Variants in PRIM2 observed in about 807,000 individuals in gnomAD.
PRIM2 encodes the protein DNA primase large subunit.
A neutral mutation model predicts 67.3 loss-of-function variants in PRIM2; 39 were observed. The ratio of observed to expected loss-of-function variants is 0.58; its 90% CI spans 0.45 to 0.76. The LOEUF (loss-of-function observed/expected upper bound fraction) is 0.76. Ranked by LOEUF, PRIM2 falls within the 30% of genes least tolerant of loss-of-function variation. The probability of loss-of-function intolerance (pLI) is 0.00; values close to 1 mark genes in which losing one functional copy is unlikely to be tolerated. For missense variants in PRIM2, 398 were observed against 598.7 expected (o/e 0.66, Z 3.50); for synonymous variants, 143 against 198.7 (o/e 0.72, Z 2.36).
chr6:57,288,293 G>A, the PRIM2 span, among the ~76,000 whole-genome samples: 1 of 152,212 alleles, frequency 6.6e-6, no homozygotes, highest in African/African-American at 2.4e-5. Flanking sequence ...AGCCTGGGAA[G>A]CTTGAACTGG....
At chr6:57,407,549 C>T (rs1770934341) in intron 7 of PRIM2, among the ~76,000 whole-genome samples, 1 of 152,030 alleles carries the variant, frequency 6.6e-6, no homozygotes, top group Admixed American at 6.6e-5. Context: ...GAGCAGCCTC[C>T]ACTGTTATTT....
Position 57,334,585 on chromosome 6 carries a change from G to A in PRIM2, c.459+8540G>A, listed in dbSNP as rs989399802. On this transcript the variant is annotated intron_variant, in intron 5 of 13. Transcript: ENST00000615550. Reference sequence around the variant, plus strand: ...AGGCTGAGGTGGGATGATTACTTGAGCCCAGGTGTTGGAGGCTACAGTGGA... The same window carrying A: ...AGGCTGAGGTGGGATGATTACTTGAACCCAGGTGTTGGAGGCTACAGTGGA... Among the ~76,000 whole-genome samples the A allele has an allele frequency of 7.2e-5, 11 of 152,070 alleles. No individual in the cohort carries two copies. In the South Asian group the frequency reaches 2.3e-3, roughly 32 times the overall value.
chr6:57,421,603 C>A (rs1284521134), intron 7 of PRIM2, among the ~76,000 whole-genome samples: 3 of 152,140 alleles, frequency 2.0e-5, no homozygotes, highest in Non-Finnish European at 2.9e-5. Flanking sequence ...TTACAATGAT[C>A]ATTGTTAACA....
chr6:57,608,911 G>A (rs1225088210), intron 12 of PRIM2, among the ~76,000 whole-genome samples: 1 of 152,122 alleles, frequency 6.6e-6, no homozygotes, highest in African/African-American at 2.4e-5. Context: ...GCAGAATTAA[G>A]TTCTCTTTCC....
chr6:57,439,855 T>C (rs1772145277), intron 7 of PRIM2, among the ~76,000 whole-genome samples: 1 of 152,252 alleles, frequency 6.6e-6, no homozygotes, highest in South Asian at 2.1e-4. Context: ...TTGAAGCATT[T>C]TAATAAGGCT....
chr6:57,459,539 CTA>C (rs1772926775), intron 7 of PRIM2, among the ~76,000 whole-genome samples: 1 of 152,120 alleles, frequency 6.6e-6, no homozygotes, highest in African/African-American at 2.4e-5. Flanking sequence ...ACTGAGCTAA[CTA>C]GACCACACTA....
chr6:57,323,011 G>A (rs1337587392), intron 3 of PRIM2, among the ~76,000 whole-genome samples: 1 of 151,934 alleles, frequency 6.6e-6, no homozygotes, highest in Non-Finnish European at 1.5e-5. Flanking sequence ...CCCTGAACAA[G>A]TTACATAACT....
At chr6:57,223,095 A>C in the PRIM2 span, among the ~76,000 whole-genome samples, 1 of 152,376 alleles carries the variant, frequency 6.6e-6, no homozygotes, top group South Asian at 2.1e-4. Flanking sequence ...CAGAGTTCAT[A>C]TAATGAAACA....
At chr6:57,537,095 A>G (rs1211898333) in intron 9 of PRIM2, among the ~76,000 whole-genome samples, 1 of 152,200 alleles carries the variant, frequency 6.6e-6, no homozygotes, top group Non-Finnish European at 1.5e-5. Context: ...GAATTTGGAT[A>G]TATGCTATCT....
At chr6:57,276,476 T>C in the PRIM2 span, among the ~76,000 whole-genome samples, 1 of 152,036 alleles carries the variant, frequency 6.6e-6, no homozygotes, top group Non-Finnish European at 1.5e-5. Context: ...TGCATACATA[T>C]GTATGTATGT....
intron 5 of PRIM2, among the ~76,000 whole-genome samples, chr6:57,345,463 G>GAT (rs777341431): frequency 1.3e-3 from 137 of 109,342 alleles, no homozygotes; most frequent in South Asian, 4.6e-3. Context: ...CACCATGCCT[G>GAT]ATATATATAT....
At chr6:57,315,626 G>C (rs144482524), upstream of PRIM2, among the ~76,000 whole-genome samples, 674 of 151,972 alleles carry the variant, frequency 4.4e-3, 7 homozygotes, top group African/African-American at 0.016. Context: ...TCTTCTTCTT[G>C]TCCTATTTTT....
chr6:57,474,481 C>T (rs1365362900), intron 7 of PRIM2, among the ~76,000 whole-genome samples: 1 of 152,094 alleles, frequency 6.6e-6, no homozygotes, highest in African/African-American at 2.4e-5. Context: ...GCTTACTCTG[C>T]TATCTTTAAA....
At chr6:57,323,795 A>T (rs1206511998) in intron 3 of PRIM2, among the ~76,000 whole-genome samples, 1 of 152,136 alleles carries the variant, frequency 6.6e-6, no homozygotes, top group African/African-American at 2.4e-5. Context: ...AAAAAAAAAA[A>T]AGAAATGTTT....
At chr6:57,366,412 A>T (rs1325926714) in intron 5 of PRIM2, among the ~76,000 whole-genome samples, 3 of 152,070 alleles carry the variant, frequency 2.0e-5, no homozygotes, top group Non-Finnish European at 4.4e-5. Context: ...TGTAGTGGGG[A>T]TAATGGAGTA....
chr6:57,594,200 A>G (rs1776327917), intron 10 of PRIM2, among the ~76,000 whole-genome samples: 1 of 152,206 alleles, frequency 6.6e-6, no homozygotes, highest in Non-Finnish European at 1.5e-5. Flanking sequence ...TTTTCTTTGA[A>G]ATGCTATTTG....
At chr6:57,607,783 C>T (rs1776589298) in intron 12 of PRIM2, among the ~76,000 whole-genome samples, 3 of 152,080 alleles carry the variant, frequency 2.0e-5, no homozygotes, top group Admixed American at 2.0e-4. Context: ...CTTAACGTAT[C>T]TATGTTAACA....
At chr6:57,451,084 TTGA>T (rs1251144791) in intron 7 of PRIM2, among the ~76,000 whole-genome samples, 11 of 152,202 alleles carry the variant, frequency 7.2e-5, no homozygotes, top group Admixed American at 2.0e-4. Flanking sequence ...TTTAATGTTT[TTGA>T]TGATGCATGA....
chr6:57,235,081 G>A, the PRIM2 span, among the ~76,000 whole-genome samples: 3 of 152,206 alleles, frequency 2.0e-5, no homozygotes, highest in Non-Finnish European at 4.4e-5. Context: ...AGCCCTGGAG[G>A]TCAAGGCTGC....
Sources: gnomAD v4.1 joint callset for allele counts (sites outside exome capture counted in the v4.1 genomes callset) on GRCh38, gnomAD v4.1.1 for gene constraint, MANE v1.5 for transcripts, NCBI Gene and HGNC (gene_info 2026-07-23, HGNC 2026-07-21) for gene names.